The following AFF3 variants were observed in gnomAD, a reference collection of about 807,000 sequenced individuals.
AFF3 encodes AF4/FMR2 family member 3.
A neutral mutation model predicts 129.7 loss-of-function variants in AFF3; 32 were observed. The ratio of observed to expected loss-of-function variants is 0.25; its 90% CI spans 0.19 to 0.33. AFF3 has a LOEUF of 0.33. Ranked by LOEUF, AFF3 falls within the 10% of genes least tolerant of loss-of-function variation. AFF3 has a pLI of 1.00. For synonymous variants in AFF3, 644 were observed against 635.4 expected (o/e 1.01, Z -0.20); for missense variants, 1,373 against 1,592.0 (o/e 0.86, Z 2.34).
At chr2:99,721,295 C>G (rs1373600181) in intron 11 of AFF3, among the ~76,000 whole-genome samples, 1 of 152,042 alleles carries the variant, frequency 6.6e-6, no homozygotes, top group Admixed American at 6.5e-5. Flanking sequence ...CTTTCGGAGG[C>G]CAAGGTGGGC....
intron 13 of AFF3, among the ~76,000 whole-genome samples, chr2:99,618,870 C>T (rs935785689): frequency 6.6e-6 from 1 of 150,984 alleles, no homozygotes; most frequent in East Asian, 2.0e-4. Context: ...TGCTTCAGTG[C>T]AAAGCTACAG....
At chr2:99,785,743 A>C (rs1287496533) in intron 8 of AFF3, among the ~76,000 whole-genome samples, 3 of 152,082 alleles carry the variant, frequency 2.0e-5, no homozygotes, top group Admixed American at 6.5e-5. Flanking sequence ...TGAACCTTTA[A>C]GTGATTTTTT....
At chr2:99,863,017 T>G (rs1205762514) in intron 7 of AFF3, among the ~76,000 whole-genome samples, 1 of 152,242 alleles carries the variant, frequency 6.6e-6, no homozygotes, top group African/African-American at 2.4e-5. Context: ...AGTATCTCAG[T>G]GGATGTGTTT....
intron 7 of AFF3, among the ~76,000 whole-genome samples, chr2:99,935,242 C>T (rs899150041): frequency 3.9e-5 from 6 of 152,152 alleles, no homozygotes; most frequent in African/African-American, 1.4e-4. Flanking sequence ...ACTTGGTGGC[C>T]ACCACTGCAA....
chr2:100,104,841 C>T (rs1691138682), intron 3 of AFF3: 2 of 521,934 alleles, frequency 3.8e-6, no homozygotes, highest in South Asian at 7.9e-5. Flanking sequence ...CTGCGCCCGC[C>T]CGCCCGCCTC....
chr2:100,087,710 TG>T (rs1353070882), intron 4 of AFF3, among the ~76,000 whole-genome samples: 6 of 151,892 alleles, frequency 4.0e-5, no homozygotes, highest in Admixed American at 3.9e-4. Flanking sequence ...AATAGGCAAC[TG>T]TTTCTGAAAA....
At chr2:99,960,878 C>A (rs1677153372) in intron 7 of AFF3, among the ~76,000 whole-genome samples, 1 of 152,186 alleles carries the variant, frequency 6.6e-6, no homozygotes, top group Admixed American at 6.5e-5. Flanking sequence ...CCACACTTGC[C>A]AACCCCCATG....
intron 7 of AFF3, among the ~76,000 whole-genome samples, chr2:99,914,792 C>A (rs865858824): frequency 6.6e-6 from 1 of 151,810 alleles, no homozygotes; most frequent in Non-Finnish European, 1.5e-5. Flanking sequence ...TGGTGGCACA[C>A]GTGTGTAATC....
chr2:99,822,553 C>T (rs903192249), intron 8 of AFF3, among the ~76,000 whole-genome samples: 1 of 152,254 alleles, frequency 6.6e-6, no homozygotes, highest in East Asian at 1.9e-4. Context: ...GAGCCTGTCA[C>T]CCCTGGAGCT....
chr2:99,990,017 G>C (rs1680197711), intron 7 of AFF3, among the ~76,000 whole-genome samples: 2 of 152,114 alleles, frequency 1.3e-5, no homozygotes, highest in African/African-American at 4.8e-5. Context: ...CTGTATTCTT[G>C]TAAGGGTGGT....
intron 1 of AFF3, among the ~76,000 whole-genome samples, chr2:100,133,974 G>T (rs1384372245): frequency 1.3e-5 from 2 of 151,824 alleles, no homozygotes; most frequent in African/African-American, 4.8e-5. Context: ...AATATAAAGG[G>T]GCCATCTTTA....
intron 8 of AFF3, among the ~76,000 whole-genome samples, chr2:99,759,456 G>C (rs1389124279): frequency 6.6e-6 from 1 of 152,018 alleles, no homozygotes; most frequent in Non-Finnish European, 1.5e-5. Context: ...ACTTATCTTT[G>C]TGGAGACTGG....
chr2:99,769,477 C>T (rs1683288037), intron 8 of AFF3, among the ~76,000 whole-genome samples: 1 of 152,158 alleles, frequency 6.6e-6, no homozygotes. Flanking sequence ...TCTGTTTCTC[C>T]AGAATTAGTC....
chr2:99,622,308 C>G (rs1006811419), intron 13 of AFF3, among the ~76,000 whole-genome samples: 2 of 152,282 alleles, frequency 1.3e-5, no homozygotes, highest in East Asian at 3.9e-4. Flanking sequence ...CGTGCAGACG[C>G]TGAGAATGAG....
intron 9 of AFF3, among the ~76,000 whole-genome samples, chr2:99,745,679 C>T (rs927576925): frequency 2.6e-5 from 4 of 152,086 alleles, no homozygotes; most frequent in South Asian, 4.1e-4. Flanking sequence ...GTCAATCTCA[C>T]GATGGTGGAT....
At chr2:100,082,898 T>C (rs1208291310) in intron 4 of AFF3, among the ~76,000 whole-genome samples, 1 of 152,054 alleles carries the variant, frequency 6.6e-6, no homozygotes, top group African/African-American at 2.4e-5. Flanking sequence ...CTGACCAACA[T>C]GGAAAAACCC....
Position 99,548,614 on chromosome 2 carries a change from G to A in AFF3, c.*2860C>T, listed in dbSNP as rs1042011801. ...AAAAATTAGCCGGGTGTGGTGGCAC[G>A]TGCCTATCTTCCCAGCTGCTTGGGA... is the stretch of plus-strand genomic sequence containing the variant. On this transcript the variant is annotated 3_prime_UTR_variant, in exon 25 of 25. Coordinates refer to ENST00000672756, the MANE Select transcript of AFF3 (RefSeq NM_001386135.1). The A allele has an allele frequency of 3.4e-5, 7 of 204,472 alleles. No individual in the cohort carries two copies. The East Asian group carries it at 4.5e-4, about 13-fold the overall frequency. The allele number at this position is 204,472 out of a possible 1,614,324, so 12.7% of individuals were successfully genotyped here. A position where few individuals can be genotyped will look rare whatever the true frequency, so the allele number is the denominator to read the frequency against.
At chr2:99,934,474 C>T (rs1412582174) in intron 7 of AFF3, among the ~76,000 whole-genome samples, 1 of 152,174 alleles carries the variant, frequency 6.6e-6, no homozygotes, top group African/African-American at 2.4e-5. Context: ...CGGTGCTGCA[C>T]ACATGTTCTT....
At chr2:99,891,119 A>G (rs1480234541) in intron 7 of AFF3, among the ~76,000 whole-genome samples, 3 of 152,134 alleles carry the variant, frequency 2.0e-5, no homozygotes, top group Non-Finnish European at 4.4e-5. Flanking sequence ...ATTGTTTTCC[A>G]TGGGAGGGAA....
Sources: gnomAD v4.1 joint callset for allele counts (sites outside exome capture counted in the v4.1 genomes callset) on GRCh38, gnomAD v4.1.1 for gene constraint, MANE v1.5 for transcripts, NCBI Gene and HGNC (gene_info 2026-07-23, HGNC 2026-07-21) for gene names.